Variants in LRRIQ4 observed in about 807,000 individuals in gnomAD.
LRRIQ4 encodes the protein leucine rich repeats and IQ motif containing 4.
In LRRIQ4, 21 loss-of-function variants were observed where a neutral mutation model predicts 40.1. That is an observed-to-expected ratio of 0.52 (90% CI 0.37 to 0.75). The LOEUF is 0.75. Among genes scored for constraint, LRRIQ4 ranks in the 30% least tolerant of loss-of-function variants. The pLI is 0.00. For synonymous variants in LRRIQ4, 277 were observed against 277.1 expected (o/e 1.00, Z 0.00); for missense variants, 655 against 660.0 (o/e 0.99, Z 0.08).
At chr3:169,837,398 G>GT in intron 5 of LRRIQ4, 81 bp from the exon 6 acceptor site, 1 of 1,420,546 alleles carries the variant, frequency 7.0e-7, no homozygotes, top group Non-Finnish European at 9.5e-7. Context: ...TCAAGACCAT[G>GT]TATCAGAATA....
At chr3:169,834,605 T>C (rs1780264598) in intron 5 of LRRIQ4, among the ~76,000 whole-genome samples, 1 of 152,202 alleles carries the variant, frequency 6.6e-6, no homozygotes, top group Non-Finnish European at 1.5e-5. Flanking sequence ...ATTTTAAATG[T>C]ATCCAGTGGA....
In LRRIQ4 at chr3:169,815,115, C is replaced by T. The variant is rs572530668; in HGVS notation, c.-32+2069C>T. 2.4e-4 allele frequency among the ~76,000 whole-genome samples: 36 copies of T among 152,206 alleles called. 1 individual carries two copies. The South Asian group carries it at 4.6e-3, about 19-fold the overall frequency. On this transcript the variant is annotated intron_variant, in intron 1 of 5. Transcript: ENST00000340806. ...TTTGCTCAGGTTAGCTTTGGCTATGCTGGATCTTTTGTGGTTTCATACAAA... is the reference window on the plus strand; with the variant it reads ...TTTGCTCAGGTTAGCTTTGGCTATGTTGGATCTTTTGTGGTTTCATACAAA...
At chr3:169,819,147 A>G (rs534464582) in intron 1 of LRRIQ4, among the ~76,000 whole-genome samples, 4 of 152,312 alleles carry the variant, frequency 2.6e-5, no homozygotes, top group South Asian at 4.1e-4. Flanking sequence ...TTGTGTAGCA[A>G]TCCCTAGAGA....
Position 169,822,760 on chromosome 3 carries a change from C to T in LRRIQ4, c.839C>T (p.Thr280Ile), listed in dbSNP as rs377084414. The T allele has an allele frequency of 4.3e-5, 69 of 1,613,532 alleles. No homozygotes were observed. The African/African-American group carries it at 7.9e-4, about 18-fold the overall frequency. Residue 280 changes from threonine (T) to isoleucine (I), a missense_variant, in exon 2 of 6, where the codon ACC becomes ATC. By Grantham distance (89) the Thr-to-Ile change is moderately conservative. Coordinates refer to ENST00000340806, the MANE Select transcript of LRRIQ4 (RefSeq NM_001080460.3). ...GTGCCACGCCTCATTTGCAGGTGGA[C>T]CTCGCTGCACCTGCTCTACCTGGGA... The part of the protein sequence containing the change: ...EKVPRLICRW[T>I]SLHLLYLGNT...
chr3:169,821,842 T>C lies in LRRIQ4; in HGVS notation c.-31-49T>C, dbSNP rs139250564. The stretch of plus-strand genomic sequence containing the variant: ...TTATTTTTCTTAAGGATAGCAAGTC[T>C]GGTGGCAGGTAAATTCTATTTTTTT... On this transcript the variant is annotated intron_variant, in intron 1 of 5. Coordinates refer to ENST00000340806, the MANE Select transcript of LRRIQ4 (RefSeq NM_001080460.3). The C allele has an allele frequency of 1.9e-3, 1,842 of 960,806 alleles. 21 individuals carry two copies. In the African/African-American group the frequency reaches 0.028, roughly 15 times the overall value. The allele number at this position is 960,806 out of a possible 1,614,324, so 59.5% of individuals were successfully genotyped here. A position where few individuals can be genotyped will look rare whatever the true frequency, so the allele number is the denominator to read the frequency against.
chr3:169,822,441 C>T lies in LRRIQ4; in HGVS notation c.520C>T (p.Arg174Ter), dbSNP rs371066810. 6.2e-7 allele frequency: 1 copy of T among 1,613,576 alleles called. No homozygotes were observed. The highest frequency in any genetic ancestry group is 1.3e-5 in the African/African-American group (1 of 74,898). The change falls in exon 2 of 6, where the codon CGA (arginine) becomes TGA (stop). Residue 174 changes from arginine (R) to a stop codon, truncating the protein, a stop_gained. Transcript: ENST00000340806. LOFTEE classifies it high-confidence loss of function. The part of the protein sequence containing the change: ...QTKLREIYLK[R>*]NQFEVFPQEL... ...CAAGCTGAGGGAGATCTACCTGAAG[C>T]GAAACCAGTTTGAAGTTTTCCCCCA...
At chr3:169,827,515 G>A (rs1319973041) in intron 2 of LRRIQ4, among the ~76,000 whole-genome samples, 4 of 149,870 alleles carry the variant, frequency 2.7e-5, no homozygotes, top group Non-Finnish European at 5.9e-5. Flanking sequence ...GCTGAGGCAG[G>A]AGAATGGCGT....
intron 1 of LRRIQ4, among the ~76,000 whole-genome samples, chr3:169,820,249 CTG>C (rs55800037): frequency 0.19 from 27,236 of 143,490 alleles, 2,668 homozygotes; most frequent in South Asian, 0.27. Flanking sequence ...CCCATAGACT[CTG>C]TGTGTGTGTG....
chr3:169,830,115 G>A (rs1780127687), intron 3 of LRRIQ4, among the ~76,000 whole-genome samples: 1 of 151,988 alleles, frequency 6.6e-6, no homozygotes, highest in Admixed American at 6.6e-5. Context: ...TGATAGTTGA[G>A]GCAATTATCA....
At chr3:169,817,112 C>T (rs1456787914) in intron 1 of LRRIQ4, among the ~76,000 whole-genome samples, 2 of 151,898 alleles carry the variant, frequency 1.3e-5, no homozygotes, top group Non-Finnish European at 2.9e-5. Context: ...TCACTGTATC[C>T]CATAGGTTTT....
chr3:169,828,002 T>C (rs2108272117), intron 2 of LRRIQ4, among the ~76,000 whole-genome samples: 1 of 152,248 alleles, frequency 6.6e-6, no homozygotes, highest in African/African-American at 2.4e-5. Context: ...TGATTAGAAA[T>C]GGTGTGAATA....
rs149794419 is a variant in LRRIQ4, at chr3:169,832,393, G to A, written c.1334-594G>A. ...TGAGGCAGGAGAATCACTTGAACCC[G>A]GGAGGCGGAGGCTGCACTGAACCGA... On this transcript the variant is annotated intron_variant, in intron 4 of 5. Transcript: ENST00000340806. 7.1e-3 allele frequency among the ~76,000 whole-genome samples: 1,081 copies of A among 151,562 alleles called. 24 individuals are homozygous for A. The East Asian group carries it at 0.076, about 11-fold the overall frequency.
At chr3:169,836,832 C>T (rs1489791650) in intron 5 of LRRIQ4, among the ~76,000 whole-genome samples, 5 of 152,068 alleles carry the variant, frequency 3.3e-5, no homozygotes, top group African/African-American at 1.2e-4. Flanking sequence ...GGAGGAGGCC[C>T]GCATGGCTGG....
Position 169,833,032 on chromosome 3 carries a change from CA to C in LRRIQ4, c.1380del (p.Glu461ArgfsTer6). 1 of 1,613,552 alleles carries C rather than the reference CA, an allele frequency of 6.2e-7. No homozygotes were observed. Among genetic ancestry groups the C allele is most frequent in the Non-Finnish European group, 8.5e-7 (1 of 1,179,836 alleles). ...RLEDNLLTHL[P>X]ENLDSLVNLK... Reference sequence around the variant, plus strand: ...GAGGACAACTTGCTCACCCATCTTCCAGAGAATTTGGATTCCCTAGTGAATC... The same window carrying C: ...GAGGACAACTTGCTCACCCATCTTCCGAGAATTTGGATTCCCTAGTGAATC... On this transcript the variant is annotated frameshift_variant, in exon 5 of 6. Transcript: ENST00000340806. LOFTEE classifies it high-confidence loss of function.
rs9862465 is a variant in LRRIQ4, at chr3:169,821,906, G to A, written c.-16G>A. 4,889 of 1,387,202 alleles carry A rather than the reference G, an allele frequency of 3.5e-3. 119 individuals are homozygous for A. In the African/African-American group the frequency reaches 0.064, roughly 18 times the overall value. 85.9% of individuals were successfully genotyped at this position (1,387,202 alleles called of 1,614,324 possible). A position where few individuals can be genotyped will look rare whatever the true frequency, so the allele number is the denominator to read the frequency against. ...AATATTTCAGATTTTGAATATTTGA[G>A]CTTTTCTTCACAATAATGTCAAAAG... is the stretch of plus-strand genomic sequence containing the variant. On this transcript the variant is annotated 5_prime_UTR_variant, in exon 2 of 6. Transcript: ENST00000340806.
chr3:169,825,653 A>G (rs889871987), intron 2 of LRRIQ4, among the ~76,000 whole-genome samples: 1 of 152,240 alleles, frequency 6.6e-6, no homozygotes, highest in African/African-American at 2.4e-5. Flanking sequence ...CTTTTCTGAG[A>G]GAAATTTTAA....
intron 2 of LRRIQ4, among the ~76,000 whole-genome samples, chr3:169,825,110 C>A (rs150274846): frequency 5.3e-5 from 8 of 151,080 alleles, no homozygotes; most frequent in African/African-American, 1.7e-4. Context: ...CAGGTTCAAG[C>A]GATTCTCCTT....
chr3:169,817,313 G>C (rs1779788283), intron 1 of LRRIQ4, among the ~76,000 whole-genome samples: 1 of 152,102 alleles, frequency 6.6e-6, no homozygotes, highest in African/African-American at 2.4e-5. Context: ...ATATGATTTT[G>C]ATATTTTTGA....
chr3:169,821,720 G>GTC (rs1779895019), intron 1 of LRRIQ4, among the ~76,000 whole-genome samples, 171 bp from the exon 2 acceptor site: 1 of 151,448 alleles, frequency 6.6e-6, no homozygotes, highest in South Asian at 2.1e-4. Context: ...AGGGGAAGGA[G>GTC]TCTACACTTT....
Sources: allele counts gnomAD v4.1 joint callset (sites outside exome capture counted in the v4.1 genomes callset), GRCh38; gene constraint gnomAD v4.1.1; transcripts MANE v1.5; gene names NCBI Gene and HGNC (gene_info 2026-07-23, HGNC 2026-07-21).